IQCJ: variants seen among roughly 807,000 people sequenced by gnomAD.
IQCJ encodes the protein IQ domain-containing protein J.
IQCJ carries 9 observed loss-of-function variants against 11.0 expected under a neutral mutation model. The ratio of observed to expected loss-of-function variants is 0.82; its 90% CI spans 0.49 to 1.43. The LOEUF is 1.43. Among genes scored for constraint, IQCJ ranks in the 40% most tolerant of loss-of-function variants. The pLI, the probability that IQCJ is intolerant of heterozygous loss-of-function variation, is 0.00. For missense variants in IQCJ, 146 were observed against 133.2 expected (o/e 1.10, Z -0.47); for synonymous variants, 55 against 51.3 (o/e 1.07, Z -0.31).
chr3:159,080,032 T>G (rs958855793), intron 1 of IQCJ, among the ~76,000 whole-genome samples: 4 of 152,146 alleles, frequency 2.6e-5, no homozygotes, highest in African/African-American at 9.7e-5. Context: ...TTCCATTTAT[T>G]TATTGCAAAA....
chr3:159,077,349 A>G (rs535890653), intron 1 of IQCJ, among the ~76,000 whole-genome samples: 3 of 152,280 alleles, frequency 2.0e-5, no homozygotes, highest in African/African-American at 7.2e-5. Context: ...AATTTTACTT[A>G]TAAGAATTTT....
intron 1 of IQCJ, among the ~76,000 whole-genome samples, chr3:159,218,510 T>C (rs1379309706): frequency 2.0e-5 from 3 of 152,136 alleles, no homozygotes; most frequent in African/African-American, 7.2e-5. Context: ...CAGAAGTTTT[T>C]TGAACCAGTT....
At chr3:159,263,981 C>T (rs992764696), downstream of IQCJ, among the ~76,000 whole-genome samples, 7 of 152,162 alleles carry the variant, frequency 4.6e-5, no homozygotes, top group African/African-American at 7.2e-5. Context: ...TTGTGTCTAA[C>T]TCATGATTTG....
At chr3:159,108,788 A>G (rs1387535176) in intron 1 of IQCJ, among the ~76,000 whole-genome samples, 1 of 152,192 alleles carries the variant, frequency 6.6e-6, no homozygotes, top group Non-Finnish European at 1.5e-5. Flanking sequence ...ACTATTTGAA[A>G]TCACCAAAAA....
chr3:159,236,286 A>AAT (rs1726585532), intron 1 of IQCJ, among the ~76,000 whole-genome samples: 1 of 150,684 alleles, frequency 6.6e-6, no homozygotes, highest in Non-Finnish European at 1.5e-5. Flanking sequence ...AAAAAAAAAA[A>AAT]CCAAGGAATT....
At chr3:159,110,580 C>T (rs555918292) in intron 1 of IQCJ, among the ~76,000 whole-genome samples, 1 of 152,264 alleles carries the variant, frequency 6.6e-6, no homozygotes, top group South Asian at 2.1e-4. Context: ...GCCTTACACG[C>T]CCTGCCATGA....
intron 1 of IQCJ, among the ~76,000 whole-genome samples, chr3:159,242,690 A>G (rs971481205): frequency 5.9e-5 from 9 of 152,096 alleles, no homozygotes; most frequent in African/African-American, 1.9e-4. Flanking sequence ...CACCATACCC[A>G]AAAATTAATT....
intron 1 of IQCJ, among the ~76,000 whole-genome samples, chr3:159,214,406 T>C (rs907357488): frequency 2.8e-4 from 42 of 152,204 alleles, no homozygotes; most frequent in African/African-American, 8.9e-4. Context: ...CTTAGTTCCA[T>C]ATCTTGCTGG....
At chr3:159,201,787 T>G (rs1415422379) in intron 1 of IQCJ, among the ~76,000 whole-genome samples, 1 of 152,102 alleles carries the variant, frequency 6.6e-6, no homozygotes, top group Non-Finnish European at 1.5e-5. Context: ...ATTCTTAATC[T>G]GCTTTTTTTA....
chr3:159,095,714 A>C (rs1717694649), intron 1 of IQCJ, among the ~76,000 whole-genome samples: 1 of 16,790 alleles, frequency 6.0e-5, no homozygotes, highest in South Asian at 2.7e-3. Context: ...TTATGGCTGC[A>C]TAGTATTCCA....
At chr3:159,220,412 G>A (rs1725470211) in intron 1 of IQCJ, among the ~76,000 whole-genome samples, 1 of 152,096 alleles carries the variant, frequency 6.6e-6, no homozygotes, top group Admixed American at 6.5e-5. Context: ...GAAGCACCAG[G>A]GAAATGTGGG....
intron 1 of IQCJ, among the ~76,000 whole-genome samples, chr3:159,205,447 T>C (rs1577079682): frequency 6.6e-6 from 1 of 152,172 alleles, no homozygotes; most frequent in Non-Finnish European, 1.5e-5. Context: ...TTTTATTGGG[T>C]TCTATTATGT....
intron 1 of IQCJ, among the ~76,000 whole-genome samples, chr3:159,090,605 T>C (rs896302826): frequency 1.3e-5 from 2 of 151,632 alleles, no homozygotes; most frequent in Non-Finnish European, 2.9e-5. Flanking sequence ...TATGGGTGTG[T>C]CATATTGGAG....
intron 1 of IQCJ, among the ~76,000 whole-genome samples, chr3:159,245,489 T>A (rs543997878): frequency 1.0e-3 from 134 of 132,598 alleles, no homozygotes; most frequent in African/African-American, 3.8e-3. Context: ...TGAGATGGAG[T>A]CTCACTCTGT....
At chr3:159,105,673 G>T (rs543021779) in intron 1 of IQCJ, among the ~76,000 whole-genome samples, 1 of 152,246 alleles carries the variant, frequency 6.6e-6, no homozygotes, top group Non-Finnish European at 1.5e-5. Flanking sequence ...AGGCAAGAGT[G>T]ATCCAGAGAA....
At chr3:159,265,250 C>T, downstream of IQCJ, 1 of 1,613,728 alleles carries the variant, frequency 6.2e-7, no homozygotes, top group Non-Finnish European at 8.5e-7. Context: ...TTCATCCTTA[C>T]ATCTCTTGGA....
chr3:159,104,281 C>T (rs1324382950), intron 1 of IQCJ, among the ~76,000 whole-genome samples: 1 of 152,238 alleles, frequency 6.6e-6, no homozygotes, highest in Admixed American at 6.5e-5. Context: ...TGTACACTTT[C>T]ACTGACAGTC....
At chr3:159,137,229 T>C (rs1427902122) in intron 1 of IQCJ, among the ~76,000 whole-genome samples, 2 of 149,408 alleles carry the variant, frequency 1.3e-5, no homozygotes, top group African/African-American at 2.5e-5. Context: ...GCCACTGCAC[T>C]CCAGCCTGGG....
At chr3:159,172,856 T>C (rs567394713) in intron 1 of IQCJ, among the ~76,000 whole-genome samples, 11 of 152,312 alleles carry the variant, frequency 7.2e-5, no homozygotes, top group Non-Finnish European at 1.0e-4. Context: ...CTATTCACTA[T>C]GCCTTCAATA....
Sources: allele counts gnomAD v4.1 joint callset (sites outside exome capture counted in the v4.1 genomes callset), GRCh38; gene constraint gnomAD v4.1.1; transcripts MANE v1.5; gene names NCBI Gene and HGNC (gene_info 2026-07-23, HGNC 2026-07-21).